Variants in TAPBP observed in about 807,000 individuals in gnomAD.
The protein encoded by TAPBP is TAP binding protein, also known as tapasin.
Under a neutral mutation model 45.7 loss-of-function variants are expected in TAPBP, and 38 were observed. The ratio of observed to expected loss-of-function variants is 0.83; its 90% CI spans 0.64 to 1.09. The LOEUF (loss-of-function observed/expected upper bound fraction) is 1.09. TAPBP is among the 50% of genes least tolerant of loss of function. The pLI, the probability that TAPBP is intolerant of heterozygous loss-of-function variation, is 0.00. For synonymous variants in TAPBP, 226 were observed against 254.8 expected (o/e 0.89, Z 1.08); for missense variants, 513 against 587.3 (o/e 0.87, Z 1.31).
intron 3 of TAPBP, among the ~76,000 whole-genome samples, chr6:33,307,778 G>T (rs1409117779): frequency 1.3e-5 from 2 of 152,100 alleles, no homozygotes; most frequent in African/African-American, 4.8e-5. Flanking sequence ...TTATCCATAT[G>T]CAATACAGGG....
chr6:33,310,219 G>A (rs957620147), intron 3 of TAPBP, among the ~76,000 whole-genome samples: 1 of 151,768 alleles, frequency 6.6e-6, no homozygotes, highest in Admixed American at 6.6e-5. Context: ...TATTAAGAAA[G>A]TATAGGCCTG....
At position 33,305,272 on chromosome 6, in the gene TAPBP, C is replaced by T. The variant is rs554976419; in HGVS notation, c.585G>A (p.Leu195=). The part of the protein sequence containing the change: ...MPPTSEAASS[L]APGPPPFGLE... ...GCCCAAAGGGAGGGGGACCCGGAGC[C>T]AGAGATGAGGCGGCCTCGGAGGTGG... The change falls in exon 4 of 8, where the codon CTG becomes CTA. Residue 195 remains leucine, a synonymous_variant. Transcript: ENST00000434618. This position sits in a 1 kb window ranked among gnomAD's most constrained non-coding sequence, Gnocchi z 4.4. 30 of 1,599,494 alleles carry T rather than the reference C, an allele frequency of 1.9e-5. 1 individual carries two copies. The Admixed American group carries it at 3.4e-4, about 18-fold the overall frequency.
In TAPBP at chr6:33,304,396, CTG is replaced by C. The variant is rs774468959; in HGVS notation, c.1109_1110del (p.Pro370ArgfsTer4). ...CGTGCCCCATGCTGCTCAGTGGTGA[CTG>C]GGGGCGGCTGCAAGTGCCCAGAGAG... is the stretch of plus-strand genomic sequence containing the variant. ...VSLSGHLQPP[P>X]VTTEQHGARY... is the part of the protein sequence containing the mutation. On this transcript the variant is annotated frameshift_variant, in exon 5 of 8. Coordinates refer to ENST00000434618, the MANE Select transcript of TAPBP (RefSeq NM_003190.5). LOFTEE classifies it high-confidence loss of function. The C allele has an allele frequency of 1.9e-6, 3 of 1,612,674 alleles. No individual in the cohort carries two copies. In the South Asian group the frequency reaches 3.3e-5, roughly 18 times the overall value.
chr6:33,307,581 T>C (rs1460838560), intron 3 of TAPBP, among the ~76,000 whole-genome samples: 2 of 152,002 alleles, frequency 1.3e-5, no homozygotes, highest in African/African-American at 2.4e-5. Flanking sequence ...TTTGTATTTT[T>C]GGTAGAGATG....
Position 33,313,309 on chromosome 6 carries a change from A to C in TAPBP, c.377T>G (p.Val126Gly), listed in dbSNP as rs1339229657. 4 of 1,613,464 alleles carry C rather than the reference A, an allele frequency of 2.5e-6. No homozygotes were observed. Among genetic ancestry groups the C allele is most frequent in the South Asian group, 2.2e-5 (2 of 91,084 alleles). Residue 126 changes from valine to glycine, a missense_variant, in exon 3 of 8, where the codon GTC becomes GGC. Transcript: ENST00000434618. The surrounding 1 kb of genome is among the most constrained non-coding windows in gnomAD (Gnocchi z 7.2). ...PRALDGAWLM[V>G]SISSPVLSLS... is the part of the protein sequence containing the mutation. The stretch of plus-strand genomic sequence containing the variant: ...GCTGAGGACTGGGCTGGATATGCTG[A>C]CCATCAGCCAAGCCCCATCCAGGGC...
Position 33,299,886 on chromosome 6 carries a change from A to G in TAPBP, c.*1874T>C, listed in dbSNP as rs1268461977. 2.0e-5 allele frequency: 3 copies of G among 152,634 alleles called. No individual in the cohort carries two copies. The highest frequency in any genetic ancestry group is 4.4e-5 in the Non-Finnish European group (3 of 68,080). 9.5% of individuals were successfully genotyped at this position (152,634 alleles called of 1,614,324 possible). On this transcript the variant is annotated 3_prime_UTR_variant, in exon 8 of 8. Transcript: ENST00000434618. The surrounding 1 kb of genome is among the most constrained non-coding windows in gnomAD (Gnocchi z 5.0). ...CCGGCGCGGGGTTACAGCAGTGGAC[A>G]GACAGGCCAGTCCCTGTCCTCGAGG...
chr6:33,301,475 GA>G lies in TAPBP; in HGVS notation c.*284del. The G allele has an allele frequency of 2.3e-6, 1 of 441,686 alleles. No homozygotes were observed. The highest frequency in any genetic ancestry group is 4.0e-6 in the Non-Finnish European group (1 of 247,750). 27.4% of individuals were successfully genotyped at this position (441,686 alleles called of 1,614,324 possible). On this transcript the variant is annotated 3_prime_UTR_variant, in exon 8 of 8. Coordinates refer to ENST00000434618, the MANE Select transcript of TAPBP (RefSeq NM_003190.5). Reference sequence around the variant, plus strand: ...TGTAATCCCAGCTACTCCGGAGGCTGAAGCCACAGAATTGCTTGAACCCAGG... The same window carrying G: ...TGTAATCCCAGCTACTCCGGAGGCTGAGCCACAGAATTGCTTGAACCCAGG...
At chr6:33,307,282 C>T (rs779212600) in intron 3 of TAPBP, among the ~76,000 whole-genome samples, 57 of 151,992 alleles carry the variant, frequency 3.8e-4, no homozygotes, top group Admixed American at 1.2e-3. Flanking sequence ...AGTGAGACTC[C>T]GTCTCAAAAC....
intron 3 of TAPBP, among the ~76,000 whole-genome samples, chr6:33,306,100 A>C (rs968675916): frequency 7.2e-5 from 11 of 152,184 alleles, no homozygotes; most frequent in Non-Finnish European, 1.3e-4. Flanking sequence ...CTTGCTACTC[A>C]AGTCTATTCA....
intron 3 of TAPBP, among the ~76,000 whole-genome samples, chr6:33,307,861 A>G (rs1769079408): frequency 6.6e-6 from 1 of 152,234 alleles, no homozygotes; most frequent in African/African-American, 2.4e-5. Flanking sequence ...TGCTTAGAAC[A>G]GGGCCTGGCA....
chr6:33,301,994 C>T (rs111601856), intron 7 of TAPBP, among the ~76,000 whole-genome samples: 2 of 152,182 alleles, frequency 1.3e-5, no homozygotes, highest in Non-Finnish European at 2.9e-5. Context: ...TCAGGCTCCG[C>T]TGTCCAATAT....
chr6:33,302,646 CTTTTTT>C (rs9282489), intron 7 of TAPBP, among the ~76,000 whole-genome samples: 1 of 143,866 alleles, frequency 7.0e-6, no homozygotes, highest in Non-Finnish European at 1.5e-5. Context: ...ATTTCTTTTT[CTTTTTT>C]TTTTGTTGTT....
At chr6:33,309,674 G>GCC (rs1249920759) in intron 3 of TAPBP, among the ~76,000 whole-genome samples, 1 of 111,112 alleles carries the variant, frequency 9.0e-6, no homozygotes, top group African/African-American at 3.6e-5. Context: ...TCCCAACACA[G>GCC]CCTCCCGAGT....
chr6:33,313,747 C>G lies in TAPBP; in HGVS notation c.155G>C (p.Gly52Ala), dbSNP rs202176584. 2.5e-6 allele frequency: 4 copies of G among 1,613,630 alleles called. No individual in the cohort carries two copies. In the African/African-American group the frequency reaches 4.0e-5, roughly 16 times the overall value. Reference sequence around the variant, plus strand: ...GAGGTCCGGCCGGGGCGGCGGTTCCCCCGGTCCCTGGCGCAACAGCAGTGC... The same window carrying G: ...GAGGTCCGGCCGGGGCGGCGGTTCCGCCGGTCCCTGGCGCAACAGCAGTGC... ...PGALLLRQGP[G>A]EPPPRPDLDP... The change falls in exon 2 of 8, where the codon GGG becomes GCG. Residue 52 changes from glycine (G) to alanine (A), a missense_variant. Physicochemically the swap from Gly to Ala is moderately conservative, Grantham distance 60. Transcript: ENST00000434618. This position sits in a 1 kb window ranked among gnomAD's most constrained non-coding sequence, Gnocchi z 7.2.
In TAPBP at chr6:33,305,260, G is replaced by A. The variant is rs769922693; in HGVS notation, c.597C>T (p.Pro199=). The part of the protein sequence containing the change: ...SEAASSLAPG[P]PPFGLEWRRQ... ...GTCGCCACTCTAGCCCAAAGGGAGGGGGACCCGGAGCCAGAGATGAGGCGG... is the reference window on the plus strand; with the variant it reads ...GTCGCCACTCTAGCCCAAAGGGAGGAGGACCCGGAGCCAGAGATGAGGCGG... The change falls in exon 4 of 8, where the codon CCC becomes CCT. Residue 199 remains proline (P), a synonymous_variant. Transcript: ENST00000434618. The surrounding 1 kb of genome is among the most constrained non-coding windows in gnomAD (Gnocchi z 4.4). The A allele has an allele frequency of 1.2e-6, 2 of 1,604,406 alleles. No homozygotes were observed. Among genetic ancestry groups the A allele is most frequent in the African/African-American group, 2.7e-5 (2 of 74,700 alleles).
chr6:33,313,334 C>T lies in TAPBP; in HGVS notation c.352G>A (p.Ala118Thr). The T allele has an allele frequency of 6.2e-7, 1 of 1,613,442 alleles. No homozygotes were observed. The highest frequency in any genetic ancestry group is 1.3e-5 in the African/African-American group (1 of 75,064). The change falls in exon 3 of 8, where the codon GCC (alanine) becomes ACC (threonine). Residue 118 changes from alanine to threonine, a missense_variant. Physicochemically the swap from Ala to Thr is moderately conservative, Grantham distance 58. Transcript: ENST00000434618. The surrounding 1 kb of genome is among the most constrained non-coding windows in gnomAD (Gnocchi z 7.2). ...GLTPAQNCPR[A>T]LDGAWLMVSI... Reference sequence around the variant, plus strand: ...ACCATCAGCCAAGCCCCATCCAGGGCCCGCGGGCAGTTCTGCGCGGGGGTC... The same window carrying T: ...ACCATCAGCCAAGCCCCATCCAGGGTCCGCGGGCAGTTCTGCGCGGGGGTC...
In TAPBP at chr6:33,313,413, G is replaced by T; in HGVS notation, c.273C>A (p.Cys91Ter). 1 of 1,608,158 alleles carries T rather than the reference G, an allele frequency of 6.2e-7. No individual in the cohort carries two copies. The highest frequency in any genetic ancestry group is 1.1e-5 in the South Asian group (1 of 90,662). ...GGAGAGGCACGAAGCGGCTCATCTC[G>T]CAGTGTGGTGCGGGGGCGCCCCGGG... ...RYPRGAPAPHCEMSRFVPLPA... is the reference protein window; with the variant it reads ...RYPRGAPAPH Residue 91 changes from cysteine to a stop codon, truncating the protein, a stop_gained, in exon 3 of 8, where the codon TGC becomes TGA. Transcript: ENST00000434618. LOFTEE classifies it high-confidence loss of function. This position sits in a 1 kb window ranked among gnomAD's most constrained non-coding sequence, Gnocchi z 7.2.
In TAPBP at chr6:33,305,068, G is replaced by A; in HGVS notation, c.789C>T (p.Pro263=). Residue 263 remains proline (P), a synonymous_variant, in exon 4 of 8, where the codon CCC becomes CCT. Transcript: ENST00000434618. This position sits in a 1 kb window ranked among gnomAD's most constrained non-coding sequence, Gnocchi z 4.4. The part of the protein sequence containing the change: ...NGTFWLPTVQ[P]FQEGTYLATI... ...TGGCCAGATAGGTGCCCTCCTGAAA[G>A]GGTTGAACTGTAGGCAGCCAGAAGG... The A allele has an allele frequency of 1.9e-6, 3 of 1,614,194 alleles. No individual in the cohort carries two copies. Among genetic ancestry groups the A allele is most frequent in the Non-Finnish European group, 2.5e-6 (3 of 1,180,042 alleles).
chr6:33,305,065 A>G lies in TAPBP; in HGVS notation c.792T>C (p.Phe264=). Residue 264 remains phenylalanine (F), a synonymous_variant, in exon 4 of 8, where the codon TTT becomes TTC. Transcript: ENST00000434618. This position sits in a 1 kb window ranked among gnomAD's most constrained non-coding sequence, Gnocchi z 4.4. ...TGGTGGCCAGATAGGTGCCCTCCTGAAAGGGTTGAACTGTAGGCAGCCAGA... is the reference window on the plus strand; with the variant it reads ...TGGTGGCCAGATAGGTGCCCTCCTGGAAGGGTTGAACTGTAGGCAGCCAGA... ...GTFWLPTVQP[F]QEGTYLATIH... is the part of the protein sequence containing the mutation. 6.2e-7 allele frequency: 1 copy of G among 1,614,082 alleles called. No homozygotes were observed. Among genetic ancestry groups the G allele is most frequent in the Non-Finnish European group, 8.5e-7 (1 of 1,180,016 alleles).
Sources: gnomAD v4.1 joint callset for allele counts (sites outside exome capture counted in the v4.1 genomes callset) on GRCh38, gnomAD v4.1.1 for gene constraint, Gnocchi (gnomAD v3.1) non-coding constraint, MANE v1.5 for transcripts, NCBI Gene and HGNC (gene_info 2026-07-23, HGNC 2026-07-21) for gene names.